The following CCDC175 variants were observed in gnomAD, a reference collection of about 807,000 sequenced individuals.
CCDC175 encodes coiled-coil domain containing 175.
Under a neutral mutation model 114.6 loss-of-function variants are expected in CCDC175, and 100 were observed. That is an observed-to-expected ratio of 0.87 (90% CI 0.74 to 1.03). CCDC175 has a LOEUF of 1.03. CCDC175 is among the 50% of genes least tolerant of loss of function. The pLI, the probability that CCDC175 is intolerant of heterozygous loss-of-function variation, is 0.00. For missense variants in CCDC175, 880 were observed against 917.8 expected, an observed-to-expected ratio of 0.96 and a Z score of 0.53; for synonymous variants, 306 against 308.7, an observed-to-expected ratio of 0.99 and a Z score of 0.09.
intron 17 of CCDC175, among the ~76,000 whole-genome samples, chr14:59,518,688 G>A (rs36164392): frequency 0.27 from 40,269 of 151,954 alleles, 5,688 homozygotes; most frequent in South Asian, 0.4. Flanking sequence ...GAGAGGATAT[G>A]GAGAAACAGG....
chr14:59,551,224 C>T, intron 8 of CCDC175, 131 bp downstream of exon 8: 1 of 509,058 alleles, frequency 2.0e-6, no homozygotes, highest in East Asian at 3.4e-5. Flanking sequence ...TTTTAAATTA[C>T]TACAAACAAC....
At chr14:59,522,467 C>G (rs983487900) in intron 16 of CCDC175, among the ~76,000 whole-genome samples, 2 of 152,110 alleles carry the variant, frequency 1.3e-5, no homozygotes, top group Non-Finnish European at 2.9e-5. Flanking sequence ...AAAGTAAAAG[C>G]CACCTTAAGC....
chr14:59,514,906 C>G (rs1452776170), intron 17 of CCDC175, among the ~76,000 whole-genome samples: 7 of 152,130 alleles, frequency 4.6e-5, no homozygotes, highest in African/African-American at 1.2e-4. Context: ...ATGTTAAGGG[C>G]AGCCAGAGAG....
intron 17 of CCDC175, 108 bp from the exon 18 acceptor site, chr14:59,511,911 ATGTC>A: frequency 1.3e-6 from 1 of 794,106 alleles, no homozygotes; most frequent in Non-Finnish European, 2.0e-6. Context: ...TTATCTAAAA[ATGTC>A]TAGTTCCAAA....
chr14:59,552,026 G>A (rs1320360490), intron 7 of CCDC175, among the ~76,000 whole-genome samples: 1 of 152,256 alleles, frequency 6.6e-6, no homozygotes, highest in East Asian at 1.9e-4. Flanking sequence ...TGCCTCTGTA[G>A]GCTCCAACTC....
intron 19 of CCDC175, among the ~76,000 whole-genome samples, chr14:59,506,145 T>C (rs1359259770): frequency 6.6e-6 from 1 of 152,122 alleles, no homozygotes; most frequent in East Asian, 1.9e-4. Context: ...TACCTTGTTA[T>C]ATATTTGTCT....
At chr14:59,554,959 G>T (rs112589194) in intron 7 of CCDC175, among the ~76,000 whole-genome samples, 88,332 of 151,896 alleles carry the variant, frequency 0.58, 26,662 homozygotes, top group East Asian at 0.83. Flanking sequence ...GGCTCTGAAA[G>T]TGAGGCAATA....
chr14:59,568,244 C>T lies in CCDC175; in HGVS notation c.491+1G>A. 1 of 1,527,374 alleles carries T rather than the reference C, an allele frequency of 6.5e-7. No individual in the cohort carries two copies. Among genetic ancestry groups the T allele is most frequent in the Non-Finnish European group, 8.7e-7 (1 of 1,144,532 alleles). The allele number at this position is 1,527,374 out of a possible 1,614,324, so 94.6% of individuals were successfully genotyped here. On this transcript the variant is annotated splice_donor_variant, in intron 4 of 19. Transcript: ENST00000537690. LOFTEE classifies it high-confidence loss of function. ...CAAATACTGAATATAAGAATACCTACCCCAGAGCTTCATTATATTTTGTCA... is the reference window on the plus strand; with the variant it reads ...CAAATACTGAATATAAGAATACCTATCCCAGAGCTTCATTATATTTTGTCA...
intron 13 of CCDC175, among the ~76,000 whole-genome samples, chr14:59,537,562 G>A (rs1423934362): frequency 6.6e-6 from 1 of 152,028 alleles, no homozygotes; most frequent in African/African-American, 2.4e-5. Context: ...TGTTTCTGTG[G>A]ACCTGGCACT....
intron 13 of CCDC175, among the ~76,000 whole-genome samples, chr14:59,534,459 C>T (rs1266099619): frequency 6.6e-6 from 1 of 152,192 alleles, no homozygotes; most frequent in Non-Finnish European, 1.5e-5. Flanking sequence ...TGCTTCCATT[C>T]ACTTCCTGTT....
chr14:59,551,167 C>T, intron 8 of CCDC175, 188 bp downstream of exon 8: 1 of 419,144 alleles, frequency 2.4e-6, no homozygotes, highest in Non-Finnish European at 4.2e-6. Context: ...ACATGGACAA[C>T]CTTTGCTCTT....
At chr14:59,530,418 G>T (rs1440453044) in intron 14 of CCDC175, among the ~76,000 whole-genome samples, 1 of 120,932 alleles carries the variant, frequency 8.3e-6, no homozygotes, top group Admixed American at 1.1e-4. Context: ...GAGAGAGAAA[G>T]AAAGAAAAGG....
chr14:59,528,978 C>T (rs188778637), intron 14 of CCDC175, among the ~76,000 whole-genome samples: 177 of 152,248 alleles, frequency 1.2e-3, no homozygotes, highest in South Asian at 3.1e-3. Context: ...TTCTCTGTTT[C>T]CATCAAGTTC....
intron 7 of CCDC175, among the ~76,000 whole-genome samples, chr14:59,560,313 G>T (rs953080191): frequency 1.6e-4 from 25 of 152,194 alleles, no homozygotes; most frequent in Admixed American, 1.3e-4. Flanking sequence ...TTGGGAATCT[G>T]CTCAGTCCAC....
chr14:59,552,587 C>A (rs979165617), intron 7 of CCDC175, among the ~76,000 whole-genome samples: 2 of 152,166 alleles, frequency 1.3e-5, no homozygotes, highest in African/African-American at 4.8e-5. Context: ...GAACACAGCT[C>A]CTCACCAGCA....
rs1195483133 is a variant in CCDC175 at position 59,545,189 on chromosome 14, A to G, written c.1146T>C (p.Phe382=). The G allele has an allele frequency of 6.5e-7, 1 of 1,536,948 alleles. No individual in the cohort carries two copies. The highest frequency in any genetic ancestry group is 2.0e-5 in the Admixed American group (1 of 50,962). The change falls in exon 9 of 20, where the codon TTT becomes TTC. Residue 382 remains phenylalanine, a synonymous_variant. Coordinates refer to ENST00000537690, the MANE Select transcript of CCDC175 (RefSeq NM_001164399.2). ...KIVLSEEEKA[F]LQKQKIHDEN... is the part of the protein sequence containing the mutation. ...CATCATGAATCTTTTGTTTTTGCAA[A>G]AAAGCTTTTTCTTCCTCACTTAAAA...
chr14:59,508,915 T>A (rs1347362172), intron 19 of CCDC175, among the ~76,000 whole-genome samples: 2 of 152,152 alleles, frequency 1.3e-5, no homozygotes, highest in African/African-American at 4.8e-5. Context: ...GTGTACAGAA[T>A]GTTATGGTAG....
intron 8 of CCDC175, chr14:59,551,112 G>T: frequency 3.2e-6 from 1 of 312,100 alleles, no homozygotes; most frequent in Non-Finnish European, 5.8e-6. Context: ...TAGTCCTAAG[G>T]TACCCATACT....
chr14:59,568,336 T>TA lies in CCDC175; in HGVS notation c.399dup (p.Thr134TyrfsTer12). 1.3e-6 allele frequency: 2 copies of TA among 1,531,756 alleles called. No homozygotes were observed. The highest frequency in any genetic ancestry group is 8.7e-7 in the Non-Finnish European group (1 of 1,144,978). The allele number at this position is 1,531,756 out of a possible 1,614,324, so 94.9% of individuals were successfully genotyped here. ...GTCCTTGTAATTCTCATTTTTATTG[T>TA]ATTTATCTCAAAAAGATTTAATCTG... On this transcript the variant is annotated frameshift_variant, in exon 4 of 20. Transcript: ENST00000537690. LOFTEE classifies it high-confidence loss of function.
Sources: allele counts gnomAD v4.1 joint callset (sites outside exome capture counted in the v4.1 genomes callset), GRCh38; gene constraint gnomAD v4.1.1; transcripts MANE v1.5; gene names NCBI Gene and HGNC (gene_info 2026-07-23, HGNC 2026-07-21).